The following KDM4A variants were observed in gnomAD, a reference collection of about 807,000 sequenced individuals.
KDM4A encodes the protein lysine-specific demethylase 4A.
KDM4A carries 23 observed loss-of-function variants against 127.1 expected under a neutral mutation model. The ratio of observed to expected loss-of-function variants is 0.18; its 90% CI spans 0.13 to 0.26. The LOEUF (loss-of-function observed/expected upper bound fraction) is 0.26, where lower values mean the gene tolerates loss of function less well. KDM4A is among the 10% of genes least tolerant of loss of function. KDM4A has a pLI of 1.00. For missense variants in KDM4A, 890 were observed against 1,329.1 expected (o/e 0.67, Z 5.14); for synonymous variants, 443 against 466.5 (o/e 0.95, Z 0.65).
chr1:43,655,128 G>T (rs1478675033), intron 2 of KDM4A, among the ~76,000 whole-genome samples: 1 of 152,152 alleles, frequency 6.6e-6, no homozygotes, highest in African/African-American at 2.4e-5. Context: ...GGGATTACCG[G>T]CATGAGCCAC....
chr1:43,691,436 A>G (rs1410811572), intron 14 of KDM4A, 60 bp from the exon 15 acceptor site: 5 of 1,389,538 alleles, frequency 3.6e-6, no homozygotes, highest in Non-Finnish European at 5.1e-6. Context: ...AAGGAATTGC[A>G]AATCTACCTT....
chr1:43,653,394 T>A lies in KDM4A; in HGVS notation c.138+81T>A, dbSNP rs142805046. ...TTTTTTCCTACATTTGGGCCGGAAC[T>A]GTGTTTTACTGAAAGTTGGGTGGGG... On this transcript the variant is annotated intron_variant, in intron 2 of 21. Coordinates refer to ENST00000372396, the MANE Select transcript of KDM4A (RefSeq NM_014663.3). The A allele has an allele frequency of 6.3e-4, 859 of 1,367,574 alleles. 4 individuals carry two copies. The African/African-American group carries it at 0.011, about 18-fold the overall frequency. The allele number at this position is 1,367,574 out of a possible 1,614,324, so 84.7% of individuals were successfully genotyped here.
Position 43,704,532 on chromosome 1 carries a change from C to A in KDM4A, c.*162C>A. 1.3e-6 allele frequency: 1 copy of A among 764,114 alleles called. No individual in the cohort carries two copies. The highest frequency in any genetic ancestry group is 2.1e-6 in the Non-Finnish European group (1 of 482,478). 47.3% of individuals were successfully genotyped at this position (764,114 alleles called of 1,614,324 possible). A position where few individuals can be genotyped will look rare whatever the true frequency, so the allele number is the denominator to read the frequency against. ...TCTTCTCACCCACCCTCATTGCATT[C>A]CGCTGTAGTGAAAGGACGAGCCATT... On this transcript the variant is annotated 3_prime_UTR_variant, in exon 22 of 22. Coordinates refer to ENST00000372396, the MANE Select transcript of KDM4A (RefSeq NM_014663.3).
intron 3 of KDM4A, among the ~76,000 whole-genome samples, chr1:43,658,399 G>C (rs902747740): frequency 2.0e-5 from 3 of 151,738 alleles, no homozygotes; most frequent in African/African-American, 7.3e-5. Context: ...AAACAGATTA[G>C]TTGACAATAG....
chr1:43,702,398 A>T (rs2154049542), intron 19 of KDM4A: 1 of 152,350 alleles, frequency 6.6e-6, no homozygotes, highest in South Asian at 2.1e-4. Flanking sequence ...TTACCTATTC[A>T]GTAAATGAAT....
rs756920696 is a variant in KDM4A, at chr1:43,690,873, G to C, written c.2066G>C (p.Cys689Ser). 20 of 1,614,086 alleles carry C rather than the reference G, an allele frequency of 1.2e-5. No individual in the cohort carries two copies. Reference sequence around the variant, plus strand: ...GAATTTGGAGGCTTTAATCAGAACTGTGGAAATGCTTCAGATTTAGCCCCC... The same window carrying C: ...GAATTTGGAGGCTTTAATCAGAACTCTGGAAATGCTTCAGATTTAGCCCCC... ...QVEFGGFNQN[C>S]GNASDLAPQK... The change falls in exon 14 of 22, where the codon TGT becomes TCT. Residue 689 changes from cysteine (C) to serine (S), a missense_variant. Transcript: ENST00000372396.
chr1:43,664,960 A>C (rs992373237), intron 5 of KDM4A, among the ~76,000 whole-genome samples: 3 of 152,092 alleles, frequency 2.0e-5, no homozygotes, highest in Non-Finnish European at 4.4e-5. Flanking sequence ...AGCTGTTTGC[A>C]GTGGGAGGAT....
At position 43,688,956 on chromosome 1, in the gene KDM4A, C is replaced by T; in HGVS notation, c.1898C>T (p.Thr633Ile). 1 of 1,614,212 alleles carries T rather than the reference C, an allele frequency of 6.2e-7. No individual in the cohort carries two copies. The highest frequency in any genetic ancestry group is 8.5e-7 in the Non-Finnish European group (1 of 1,180,036). ...QLTPEEEAEE[T>I]EAWAKPLSQL... ...ACCCCTGAGGAAGAGGCTGAGGAGA[C>T]AGAGGCCTGGGCCAAGCCTCTGAGC... is the stretch of plus-strand genomic sequence containing the variant. Residue 633 changes from threonine (T) to isoleucine (I), a missense_variant, in exon 13 of 22, where the codon ACA becomes ATA. By Grantham distance (89) the Thr-to-Ile change is moderately conservative. Around this residue, in one of 7 missense-constraint regions of KDM4A, gnomAD observed 389 missense variants for 485.9 expected, o/e 0.80. Coordinates refer to ENST00000372396, the MANE Select transcript of KDM4A (RefSeq NM_014663.3). The surrounding 1 kb of genome is among the most constrained non-coding windows in gnomAD (Gnocchi z 4.4).
At chr1:43,668,049 C>A in intron 9 of KDM4A, 30 bp downstream of exon 9, 1 of 1,611,234 alleles carries the variant, frequency 6.2e-7, no homozygotes, top group Non-Finnish European at 8.5e-7. Context: ...GTCCTGGCTG[C>A]GTGAGGGAGG....
intron 15 of KDM4A, among the ~76,000 whole-genome samples, 159 bp downstream of exon 15, chr1:43,691,731 G>A (rs549102265): frequency 2.3e-4 from 35 of 152,166 alleles, no homozygotes; most frequent in Non-Finnish European, 3.7e-4. Flanking sequence ...TCCTATGACC[G>A]TGAGAATGGT....
At position 43,683,698 on chromosome 1, in the gene KDM4A, C is replaced by T. The variant is rs748529242; in HGVS notation, c.1749C>T (p.Tyr583=). ...GGTTTGCCCAGGTTGCAGATGAATA[C>T]ATGTTTTCCCTAGAAGAGAATAAGA... ...ERELAEVADE[Y]MFSLEENKKS... is the part of the protein sequence containing the mutation. The change falls in exon 12 of 22, where the codon TAC becomes TAT. Residue 583 remains tyrosine (Y), a synonymous_variant. Transcript: ENST00000372396. 3 of 1,613,288 alleles carry T rather than the reference C, an allele frequency of 1.9e-6. No individual in the cohort carries two copies. The highest frequency in any genetic ancestry group is 4.5e-5 in the East Asian group (2 of 44,858).
intron 14 of KDM4A, 31 bp from the exon 15 acceptor site, chr1:43,691,465 T>G (rs1238893568): frequency 1.3e-6 from 2 of 1,577,082 alleles, no homozygotes; most frequent in African/African-American, 1.3e-5. Context: ...GACCACTGGG[T>G]TTAATTTGCT....
intron 11 of KDM4A, among the ~76,000 whole-genome samples, chr1:43,681,854 T>A (rs1327785470): frequency 6.6e-6 from 1 of 152,252 alleles, no homozygotes; most frequent in Non-Finnish European, 1.5e-5. Flanking sequence ...TGTAATTGAT[T>A]AGTAAGTAAT....
chr1:43,672,086 G>C (rs1433488366), intron 11 of KDM4A, among the ~76,000 whole-genome samples: 1 of 152,198 alleles, frequency 6.6e-6, no homozygotes, highest in African/African-American at 2.4e-5. Flanking sequence ...TTCTTTGCTG[G>C]GAGTTGCTTT....
intron 11 of KDM4A, among the ~76,000 whole-genome samples, chr1:43,678,276 G>A (rs960679734): frequency 1.3e-5 from 2 of 152,106 alleles, no homozygotes; most frequent in African/African-American, 4.8e-5. Flanking sequence ...GAGTCACCAG[G>A]AGGGCACTGG....
Position 43,704,623 on chromosome 1 carries a change from G to A in KDM4A, c.*253G>A, listed in dbSNP as rs1376188499. The A allele has an allele frequency of 6.2e-6, 3 of 486,750 alleles. No individual in the cohort carries two copies. Among genetic ancestry groups the A allele is most frequent in the Non-Finnish European group, 1.1e-5 (3 of 272,648 alleles). The allele number at this position is 486,750 out of a possible 1,614,324, so 30.2% of individuals were successfully genotyped here. On this transcript the variant is annotated 3_prime_UTR_variant, in exon 22 of 22. Coordinates refer to ENST00000372396, the MANE Select transcript of KDM4A (RefSeq NM_014663.3). ...GGCTGAGCACTGGAATGCTGTGGCT[G>A]CACTGGCCCCAGTCCATAGAGGGGT...
intron 11 of KDM4A, among the ~76,000 whole-genome samples, chr1:43,680,339 G>T (rs917468716): frequency 7.2e-5 from 11 of 152,108 alleles, no homozygotes; most frequent in African/African-American, 2.7e-4. Flanking sequence ...TATATAAGAG[G>T]TGCTGTGAAT....
intron 4 of KDM4A, 133 bp downstream of exon 4, chr1:43,660,545 G>T: frequency 2.3e-6 from 3 of 1,316,566 alleles, no homozygotes; most frequent in African/African-American, 3.0e-5. Flanking sequence ...ACCCCCAGCT[G>T]ATGTTGCTGT....
chr1:43,685,268 C>T (rs180717567), intron 12 of KDM4A, among the ~76,000 whole-genome samples: 5 of 152,222 alleles, frequency 3.3e-5, no homozygotes, highest in Admixed American at 2.0e-4. Flanking sequence ...GTCTCCTTGG[C>T]TGCCTGAAGC....
Sources: gnomAD v4.1 joint callset for allele counts (sites outside exome capture counted in the v4.1 genomes callset) on GRCh38, gnomAD v4.1.1 for gene constraint, gnomAD v4.1.1 regional missense constraint, Gnocchi (gnomAD v3.1) non-coding constraint, MANE v1.5 for transcripts, NCBI Gene and HGNC (gene_info 2026-07-23, HGNC 2026-07-21) for gene names.